MATR3: variants seen among roughly 807,000 people sequenced by gnomAD.
MATR3 encodes matrin-3.
MATR3 carries 4 observed loss-of-function variants against 85.5 expected under a neutral mutation model. The observed-to-expected ratio is 0.05, with a 90% CI of 0.02 to 0.11. The LOEUF (loss-of-function observed/expected upper bound fraction) is 0.11. Ranked by LOEUF, MATR3 falls within the 10% of genes least tolerant of loss-of-function variation. The pLI is 1.00. For missense variants in MATR3, 685 were observed against 1,016.1 expected (o/e 0.67, Z 4.43); for synonymous variants, 336 against 343.1 (o/e 0.98, Z 0.23).
At chr5:139,320,285 G>A (rs1397380608) in intron 9 of MATR3, among the ~76,000 whole-genome samples, 2 of 151,908 alleles carry the variant, frequency 1.3e-5, no homozygotes, top group Non-Finnish European at 2.9e-5. Flanking sequence ...CCCATCCTGG[G>A]TGACAGAGCA....
intron 2 of MATR3, among the ~76,000 whole-genome samples, chr5:139,277,102 TGGG>T (rs1172239502): frequency 6.6e-6 from 1 of 151,852 alleles, no homozygotes; most frequent in Non-Finnish European, 1.5e-5. Context: ...CCCAAGTAGT[TGGG>T]ATGATAGGTG....
At position 139,307,902 on chromosome 5, in the gene MATR3, A is replaced by G; in HGVS notation, c.487A>G (p.Arg163Gly). The change falls in exon 2 of 15, where the codon AGA becomes GGA. Residue 163 changes from arginine (R) to glycine (G), a missense_variant. By Grantham distance (125) the Arg-to-Gly change is moderately radical (BLOSUM62 -2). This residue lies in a region of MATR3 where 223 missense variants were observed against 334.4 expected (regional missense o/e 0.67). Coordinates refer to ENST00000394805, the MANE Select transcript of MATR3 (RefSeq NM_018834.6). The surrounding 1 kb of genome is among the most constrained non-coding windows in gnomAD (Gnocchi z 4.4). ...GPTLSYGRDG[R>G]SATREPPYRV... Reference sequence around the variant, plus strand: ...TACCTTGAGTTATGGTAGAGATGGCAGATCTGCTACACGGGAGCCACCATA... The same window carrying G: ...TACCTTGAGTTATGGTAGAGATGGCGGATCTGCTACACGGGAGCCACCATA... 1 of 1,614,156 alleles carries G rather than the reference A, an allele frequency of 6.2e-7. No homozygotes were observed. The highest frequency in any genetic ancestry group is 8.5e-7 in the Non-Finnish European group (1 of 1,180,030).
rs557995196 is a variant in MATR3, at chr5:139,288,057, C to CA, written c.-178+8937dup. Among the ~76,000 whole-genome samples the CA allele has an allele frequency of 3.3e-4, 50 of 150,706 alleles. No individual in the cohort carries two copies. The East Asian group carries it at 3.7e-3, about 11-fold the overall frequency. On this transcript the variant is annotated intron_variant, in intron 3 of 16. Transcript: ENST00000509990. ...GAAACCCCGTCTCTACAAAAAATAC[C>CA]AAAAAAAAATTAGCTGGGTTTGGCG... is the stretch of plus-strand genomic sequence containing the variant.
Position 139,319,228 on chromosome 5 carries a change from A to G in MATR3, c.1435-106A>G, listed in dbSNP as rs1581250807. The G allele has an allele frequency of 4.4e-6, 6 of 1,350,960 alleles. No individual in the cohort carries two copies. In the East Asian group the frequency reaches 1.2e-4, roughly 26 times the overall value. 83.7% of individuals were successfully genotyped at this position (1,350,960 alleles called of 1,614,324 possible). Reference sequence around the variant, plus strand: ...AGGCAAGCCTGGGCAACATAGCAAGACCTCGTCTCTATAAAAATAAAACAA... The same window carrying G: ...AGGCAAGCCTGGGCAACATAGCAAGGCCTCGTCTCTATAAAAATAAAACAA... On this transcript the variant is annotated intron_variant, in intron 8 of 14. Transcript: ENST00000394805.
chr5:139,317,833 A>G lies in MATR3; in HGVS notation c.1308+112A>G, dbSNP rs1755331436. ...TAAAACTCAAGGTAATCTTAAGTTT[A>G]TCAAATGCAGAATGTAGTAGAGGAA... On this transcript the variant is annotated intron_variant, in intron 7 of 14. Transcript: ENST00000394805. The G allele has an allele frequency of 1.5e-5, 16 of 1,075,372 alleles. 2 individuals carry two copies. In the South Asian group the frequency reaches 2.0e-4, roughly 14 times the overall value. 66.6% of individuals were successfully genotyped at this position (1,075,372 alleles called of 1,614,324 possible).
At chr5:139,276,232 T>G (rs1330493122) in intron 2 of MATR3, 3 of 456,432 alleles carry the variant, frequency 6.6e-6, no homozygotes, top group African/African-American at 6.0e-5. Flanking sequence ...AGTGTTACAC[T>G]GCTGGGAGAA....
chr5:139,316,300 C>G, intron 5 of MATR3, 112 bp downstream of exon 5: 1 of 784,196 alleles, frequency 1.3e-6, no homozygotes, highest in Non-Finnish European at 2.2e-6. Context: ...GGCTGGAGTG[C>G]AATGGCACGA....
Position 139,331,126 on chromosome 5 carries a change from A to G in MATR3, c.*1731A>G, listed in dbSNP as rs1230498420. On this transcript the variant is annotated 3_prime_UTR_variant, in exon 15 of 15. Coordinates refer to ENST00000394805, the MANE Select transcript of MATR3 (RefSeq NM_018834.6). Reference sequence around the variant, plus strand: ...GTTTTAATTTCAAAAAAATCTACAAAAACAGGATAGGCATTGTCTTTCAAA... The same window carrying G: ...GTTTTAATTTCAAAAAAATCTACAAGAACAGGATAGGCATTGTCTTTCAAA... 2.2e-6 allele frequency: 1 copy of G among 453,950 alleles called. No homozygotes were observed. Among genetic ancestry groups the G allele is most frequent in the African/African-American group, 2.0e-5 (1 of 50,000 alleles). 28.1% of individuals were successfully genotyped at this position (453,950 alleles called of 1,614,324 possible). A position where few individuals can be genotyped will look rare whatever the true frequency, so the allele number is the denominator to read the frequency against.
chr5:139,294,137 C>G (rs1754005715), intron 1 of MATR3: 1 of 1,089,818 alleles, frequency 9.2e-7, no homozygotes, highest in South Asian at 3.3e-5. Context: ...GCGTCCTGGG[C>G]TCGTTGTGGG....
intron 3 of MATR3, among the ~76,000 whole-genome samples, chr5:139,284,199 CTT>C (rs1753628870): frequency 6.6e-6 from 1 of 152,102 alleles, no homozygotes; most frequent in Non-Finnish European, 1.5e-5. Context: ...CATTTTTGTT[CTT>C]ATAAAAGAAT....
rs561508607 is a variant in MATR3, at chr5:139,322,378, A to T, written c.1735-85A>T. 2.1e-5 allele frequency: 26 copies of T among 1,246,146 alleles called. No individual in the cohort carries two copies. In the African/African-American group the frequency reaches 3.2e-4, roughly 16 times the overall value. The allele number at this position is 1,246,146 out of a possible 1,614,324, so 77.2% of individuals were successfully genotyped here. A position where few individuals can be genotyped will look rare whatever the true frequency, so the allele number is the denominator to read the frequency against. ...GGGAATTGAATAAGCTGAGTTGATT[A>T]TAGGGATTGTCTCCAATTATTAATT... On this transcript the variant is annotated intron_variant, in intron 10 of 14. Coordinates refer to ENST00000394805, the MANE Select transcript of MATR3 (RefSeq NM_018834.6).
At chr5:139,295,506 T>C (rs1754100934) in intron 1 of MATR3, among the ~76,000 whole-genome samples, 1 of 152,246 alleles carries the variant, frequency 6.6e-6, no homozygotes, top group Non-Finnish European at 1.5e-5. Flanking sequence ...ATCATCTTTA[T>C]ATATTTTTCA....
intron 10 of MATR3, 142 bp downstream of exon 10, chr5:139,322,171 T>G: frequency 9.5e-7 from 1 of 1,047,230 alleles, no homozygotes; most frequent in Non-Finnish European, 1.4e-6. Flanking sequence ...AGAACAACCT[T>G]TTTTTCTGGT....
intron 12 of MATR3, 63 bp from the exon 13 acceptor site, chr5:139,325,377 C>T (rs924020826): frequency 4.1e-5 from 65 of 1,590,516 alleles, no homozygotes; most frequent in Non-Finnish European, 5.1e-5. Context: ...TCAGAAACTT[C>T]GTAAATCGGG....
chr5:139,331,514 A>G lies in MATR3; in HGVS notation c.*2119A>G. 1 of 454,150 alleles carries G rather than the reference A, an allele frequency of 2.2e-6. No homozygotes were observed. Among genetic ancestry groups the G allele is most frequent in the Non-Finnish European group, 4.4e-6 (1 of 226,800 alleles). The allele number at this position is 454,150 out of a possible 1,614,324, so 28.1% of individuals were successfully genotyped here. Reference sequence around the variant, plus strand: ...AATTATAATAAGCTGTTAGTGATAAATCTGTAACAGCCCTTCGATTACGAG... The same window carrying G: ...AATTATAATAAGCTGTTAGTGATAAGTCTGTAACAGCCCTTCGATTACGAG... On this transcript the variant is annotated 3_prime_UTR_variant, in exon 15 of 15. Transcript: ENST00000394805.
At chr5:139,293,037 A>C (rs532959404), upstream of MATR3, among the ~76,000 whole-genome samples, 165 of 152,268 alleles carry the variant, frequency 1.1e-3, no homozygotes, top group South Asian at 0.012. Flanking sequence ...GCACTGCTTG[A>C]GCCAAGGAGT....
intron 1 of MATR3, among the ~76,000 whole-genome samples, chr5:139,300,520 C>T (rs1754383252): frequency 1.3e-5 from 2 of 152,066 alleles, no homozygotes; most frequent in African/African-American, 4.8e-5. Context: ...AGTCCTTTTG[C>T]CTCTAAAAGT....
At chr5:139,316,578 C>T (rs1409143284) in intron 5 of MATR3, among the ~76,000 whole-genome samples, 1 of 151,916 alleles carries the variant, frequency 6.6e-6, no homozygotes, top group Non-Finnish European at 1.5e-5. Context: ...GACAGATTCT[C>T]ACTCCGTCAC....
intron 1 of MATR3, chr5:139,274,247 G>C (rs1753181585): frequency 2.8e-6 from 1 of 356,172 alleles, no homozygotes; most frequent in Admixed American, 3.8e-5. Context: ...GCCGGGGCAC[G>C]GGACGAAATT....
Sources: gnomAD v4.1 joint callset for allele counts (sites outside exome capture counted in the v4.1 genomes callset) on GRCh38, gnomAD v4.1.1 for gene constraint, gnomAD v4.1.1 regional missense constraint, Gnocchi (gnomAD v3.1) non-coding constraint, MANE v1.5 for transcripts, NCBI Gene and HGNC (gene_info 2026-07-23, HGNC 2026-07-21) for gene names.